Variants in SLC12A5 observed in about 807,000 individuals in gnomAD.
SLC12A5 encodes the protein solute carrier family 12 member 5.
A neutral mutation model predicts 124.0 loss-of-function variants in SLC12A5; 18 were observed. That is an observed-to-expected ratio of 0.15 (90% confidence interval 0.10 to 0.22). SLC12A5 has a LOEUF of 0.22. Among genes scored for constraint, SLC12A5 ranks in the 10% least tolerant of loss-of-function variants. The probability of loss-of-function intolerance (pLI) is 1.00; values close to 1 mark genes in which losing one functional copy is unlikely to be tolerated. For synonymous variants in SLC12A5, 589 were observed against 568.0 expected (o/e 1.04, Z -0.53); for missense variants, 867 against 1,478.7 (o/e 0.59, Z 6.78).
chr20:46,046,114 T>C lies in SLC12A5; in HGVS notation c.1688+118T>C. 7.4e-6 allele frequency: 7 copies of C among 947,958 alleles called. No individual in the cohort carries two copies. In the South Asian group the frequency reaches 8.7e-5, roughly 12 times the overall value. The allele number at this position is 947,958 out of a possible 1,614,324, so 58.7% of individuals were successfully genotyped here. ...TTTAGCAACCCCAGGAAGTTCCCCA[T>C]TGGTCATAGAAGCCCATCGTTTGTT... On this transcript the variant is annotated intron_variant, in intron 13 of 25. Transcript: ENST00000243964.
Position 46,045,143 on chromosome 20 carries a change from C to A in SLC12A5, c.1569+3C>A. 6.4e-7 allele frequency: 1 copy of A among 1,568,584 alleles called. No homozygotes were observed. Among genetic ancestry groups the A allele is most frequent in the Non-Finnish European group, 8.6e-7 (1 of 1,159,142 alleles). On this transcript the variant is annotated splice_donor_region_variant and intron_variant, in intron 12 of 25. Coordinates refer to ENST00000243964, the MANE Select transcript of SLC12A5 (RefSeq NM_020708.5). The surrounding 1 kb of genome is among the most constrained non-coding windows in gnomAD (Gnocchi z 4.9). ...ATGGCATTGTGCCCTTCCTGCAGGT[C>A]AGTGTGGGAGAAGAACAGCCCACCC...
intron 11 of SLC12A5, chr20:46,044,685 C>T (rs904421674): frequency 4.4e-6 from 2 of 454,082 alleles, no homozygotes; most frequent in African/African-American, 4.1e-5. Flanking sequence ...TCACTTTCCA[C>T]TGGTACCACC....
intron 15 of SLC12A5, 106 bp from the exon 16 acceptor site, chr20:46,047,875 G>A (rs552743740): frequency 1.8e-6 from 2 of 1,110,136 alleles, no homozygotes; most frequent in Admixed American, 4.6e-5. Context: ...TGTCCTTTCT[G>A]AGCCTGAGAG....
rs1194904993 is a variant in SLC12A5 at position 46,053,935 on chromosome 20, A to G, written c.2679+226A>G. ...GCACTGTTCTATGCACTTTATATGTACATAAATTCCAACAACGACCAATGA... is the reference window on the plus strand; with the variant it reads ...GCACTGTTCTATGCACTTTATATGTGCATAAATTCCAACAACGACCAATGA... On this transcript the variant is annotated intron_variant, in intron 20 of 25. Coordinates refer to ENST00000243964, the MANE Select transcript of SLC12A5 (RefSeq NM_020708.5). The surrounding 1 kb of genome is among the most constrained non-coding windows in gnomAD (Gnocchi z 4.7). Among the ~76,000 whole-genome samples the G allele has an allele frequency of 6.6e-6, 1 of 152,254 alleles. No individual in the cohort carries two copies. Among genetic ancestry groups the G allele is most frequent in the East Asian group, 1.9e-4 (1 of 5,206 alleles).
At chr20:46,049,871 C>T in intron 17 of SLC12A5, 81 bp downstream of exon 17, 3 of 1,423,002 alleles carry the variant, frequency 2.1e-6, no homozygotes, top group South Asian at 3.0e-5. Flanking sequence ...ACTTTCCTTC[C>T]TCATCACCTT....
intron 6 of SLC12A5, among the ~76,000 whole-genome samples, chr20:46,040,083 G>C (rs1341924023): frequency 1.3e-5 from 2 of 152,126 alleles, no homozygotes; most frequent in South Asian, 2.1e-4. Flanking sequence ...GCCTAGGCTG[G>C]TATTGAAATC....
chr20:46,038,541 G>T (rs1188458290), intron 6 of SLC12A5, among the ~76,000 whole-genome samples: 1 of 152,168 alleles, frequency 6.6e-6, no homozygotes, highest in Admixed American at 6.5e-5. Context: ...TTTAAGGAAC[G>T]AATGGAAGGA....
chr20:46,044,798 T>A (rs1054968876), intron 11 of SLC12A5, 168 bp from the exon 12 acceptor site: 75 of 738,726 alleles, frequency 1.0e-4, no homozygotes, highest in Admixed American at 5.4e-4. Context: ...GAGAATTATT[T>A]TATCAAGGAA....
At position 46,049,668 on chromosome 20, in the gene SLC12A5, G is replaced by A. The variant is rs1175869873; in HGVS notation, c.2059G>A (p.Val687Met). The change falls in exon 17 of 26, where the codon GTG becomes ATG. Residue 687 changes from valine (V) to methionine (M), a missense_variant. Coordinates refer to ENST00000243964, the MANE Select transcript of SLC12A5 (RefSeq NM_020708.5). ...LVRVDQDQNVVHPQLLSLTSQ... is the reference protein window; with the variant it reads ...LVRVDQDQNVMHPQLLSLTSQ... The stretch of plus-strand genomic sequence containing the variant: ...GCGTGTGGACCAAGACCAGAATGTG[G>A]TGCACCCCCAGCTGCTCTCACTGAC... The A allele has an allele frequency of 8.1e-6, 13 of 1,606,412 alleles. No homozygotes were observed. The highest frequency in any genetic ancestry group is 1.1e-5 in the Non-Finnish European group (13 of 1,176,826).
chr20:46,036,594 G>A, intron 4 of SLC12A5, 147 bp from the exon 5 acceptor site: 3 of 712,476 alleles, frequency 4.2e-6, no homozygotes, highest in Admixed American at 2.4e-5. Context: ...CTTGGCAGGA[G>A]TAGAAGTTGG....
chr20:46,038,465 A>G (rs1480090858), intron 6 of SLC12A5: 1 of 152,232 alleles, frequency 6.6e-6, no homozygotes, highest in East Asian at 1.9e-4. Flanking sequence ...TTGGGATGAC[A>G]GGCGTGAGCC....
intron 4 of SLC12A5, 73 bp from the exon 5 acceptor site, chr20:46,036,668 T>G (rs1309609067): frequency 6.4e-7 from 1 of 1,555,214 alleles, no homozygotes; most frequent in African/African-American, 1.4e-5. Context: ...TTATGGGGTA[T>G]AAGGCTTGGC....
chr20:46,051,907 G>A, intron 18 of SLC12A5, 37 bp downstream of exon 18: 1 of 1,362,954 alleles, frequency 7.3e-7, no homozygotes, highest in Non-Finnish European at 9.9e-7. Context: ...AAGAGGGGTG[G>A]GGCTGGGGGC....
At chr20:46,029,535 G>T in intron 1 of SLC12A5, 139 bp downstream of exon 1, 1 of 919,770 alleles carries the variant, frequency 1.1e-6, no homozygotes, top group South Asian at 1.8e-5. Context: ...GTTGCAGCCT[G>T]GAGCTCAGCT....
In SLC12A5 at chr20:46,021,981, CGGGGGCGGGGAGGGG is replaced by C; in HGVS notation, c.48+96_48+110del. The C allele has an allele frequency of 4.8e-6, 5 of 1,047,634 alleles. No individual in the cohort carries two copies. The South Asian group carries it at 9.0e-5, about 19-fold the overall frequency. The allele number at this position is 1,047,634 out of a possible 1,614,324, so 64.9% of individuals were successfully genotyped here. ...CTGTTGAAGGGGGCAGGGCCAAGACCGGGGGCGGGGAGGGGTCCCAGCCCTAGGCCTGAGAGGGGA... is the reference window on the plus strand; with the variant it reads ...CTGTTGAAGGGGGCAGGGCCAAGACCTCCCAGCCCTAGGCCTGAGAGGGGA... On this transcript the variant is annotated intron_variant, in intron 1 of 2. Transcript: ENST00000413737.
At chr20:46,023,759 G>A (rs778395378), downstream of SLC12A5, among the ~76,000 whole-genome samples, 57 of 152,218 alleles carry the variant, frequency 3.7e-4, no homozygotes, top group Middle Eastern at 3.4e-3. Context: ...CACATGTCCC[G>A]GTGGATGGCA....
In SLC12A5 at chr20:46,058,491, A is replaced by G. The variant is rs2084717978; in HGVS notation, c.*886A>G. 1 of 399,144 alleles carries G rather than the reference A, an allele frequency of 2.5e-6. No homozygotes were observed. Among genetic ancestry groups the G allele is most frequent in the Non-Finnish European group, 4.4e-6 (1 of 226,188 alleles). The allele number at this position is 399,144 out of a possible 1,614,324, so 24.7% of individuals were successfully genotyped here. A position where few individuals can be genotyped will look rare whatever the true frequency, so the allele number is the denominator to read the frequency against. On this transcript the variant is annotated 3_prime_UTR_variant, in exon 26 of 26. Coordinates refer to ENST00000243964, the MANE Select transcript of SLC12A5 (RefSeq NM_020708.5). The surrounding 1 kb of genome is among the most constrained non-coding windows in gnomAD (Gnocchi z 5.8). ...CCACTGCGGCTGCAGAGACGCGAGC[A>G]ACCTCTTCTCATCGGCTCTTATGCA...
At position 46,058,196 on chromosome 20, in the gene SLC12A5, C is replaced by T; in HGVS notation, c.*591C>T. The T allele has an allele frequency of 2.9e-6, 1 of 345,414 alleles. No homozygotes were observed. The highest frequency in any genetic ancestry group is 5.2e-6 in the Non-Finnish European group (1 of 192,738). 21.4% of individuals were successfully genotyped at this position (345,414 alleles called of 1,614,324 possible). The stretch of plus-strand genomic sequence containing the variant: ...ACTAGAAGCGCAACAGACTTCTCGC[C>T]ATAGTCGAGCTCTCCCGCTGGGGGC... On this transcript the variant is annotated 3_prime_UTR_variant, in exon 26 of 26. Coordinates refer to ENST00000243964, the MANE Select transcript of SLC12A5 (RefSeq NM_020708.5). The surrounding 1 kb of genome is among the most constrained non-coding windows in gnomAD (Gnocchi z 5.8).
chr20:46,023,202 G>A (rs2084370914), intron 2 of SLC12A5: 2 of 397,776 alleles, frequency 5.0e-6, no homozygotes, highest in African/African-American at 2.1e-5. Context: ...CCAGTCCCGG[G>A]AACCGAACGC....
Sources: gnomAD v4.1 joint callset for allele counts (sites outside exome capture counted in the v4.1 genomes callset) on GRCh38, gnomAD v4.1.1 for gene constraint, Gnocchi (gnomAD v3.1) non-coding constraint, MANE v1.5 for transcripts, NCBI Gene and HGNC (gene_info 2026-07-23, HGNC 2026-07-21) for gene names.